Variants in KSR2 observed in about 807,000 individuals in gnomAD.
KSR2 encodes kinase suppressor of ras 2.
Under a neutral mutation model 107.8 loss-of-function variants are expected in KSR2, and 25 were observed. The observed-to-expected ratio is 0.23, with a 90% CI of 0.17 to 0.32. The LOEUF (loss-of-function observed/expected upper bound fraction) is 0.32. Among genes scored for constraint, KSR2 ranks in the 10% least tolerant of loss-of-function variants. KSR2 has a pLI of 1.00. For missense variants in KSR2, 887 were observed against 1,268.9 expected (o/e 0.70, Z 4.57); for synonymous variants, 480 against 507.0 (o/e 0.95, Z 0.71).
chr12:117,456,606 G>C lies in KSR2; in HGVS notation c.*10593C>G, dbSNP rs1870638509. 1.3e-5 allele frequency: 2 copies of C among 152,238 alleles called. No individual in the cohort carries two copies. Among genetic ancestry groups the C allele is most frequent in the South Asian group, 4.1e-4 (2 of 4,828 alleles). 9.4% of individuals were successfully genotyped at this position (152,238 alleles called of 1,614,324 possible). ...GGGCAGAGCCCCAGCCAACTCAACT[G>C]TCTTCTTGGAAGGTGTCCCAATTCC... On this transcript the variant is annotated 3_prime_UTR_variant, in exon 20 of 20. Transcript: ENST00000339824.
rs868455907 is a variant in KSR2 at position 117,656,927 on chromosome 12, C to T, written c.1171+10547G>A. On this transcript the variant is annotated intron_variant, in intron 5 of 19. Coordinates refer to ENST00000339824, the MANE Select transcript of KSR2 (RefSeq NM_173598.6). ...ACTCCCCTTTGTGTGTGTGTGTATA[C>T]ATATATATAATAGGATATATATATA... Among the ~76,000 whole-genome samples the T allele has an allele frequency of 1.2e-4, 10 of 83,444 alleles. No homozygotes were observed. The East Asian group carries it at 6.9e-3, about 58-fold the overall frequency. The allele number at this position is 83,444 out of a possible 152,430, so 54.7% of individuals were successfully genotyped here.
chr12:117,484,109 T>G (rs1163012316), intron 16 of KSR2, among the ~76,000 whole-genome samples: 2 of 152,178 alleles, frequency 1.3e-5, no homozygotes, highest in African/African-American at 4.8e-5. Context: ...AACTTCCAAG[T>G]GAATTACTTA....
intron 3 of KSR2, among the ~76,000 whole-genome samples, chr12:117,805,315 A>G (rs1271275511): frequency 6.6e-6 from 1 of 152,248 alleles, no homozygotes; most frequent in Non-Finnish European, 1.5e-5. Context: ...TTGGGCCAAG[A>G]CACACAGGTG....
intron 3 of KSR2, among the ~76,000 whole-genome samples, chr12:117,837,859 A>G (rs1312780644): frequency 6.6e-6 from 1 of 152,158 alleles, no homozygotes; most frequent in East Asian, 1.9e-4. Context: ...CACCCTCCCA[A>G]CTCAAAGCAA....
At chr12:117,722,439 G>A (rs917671223) in intron 4 of KSR2, among the ~76,000 whole-genome samples, 2 of 152,152 alleles carry the variant, frequency 1.3e-5, no homozygotes, top group Non-Finnish European at 2.9e-5. Context: ...ACAAGATACA[G>A]GCATCAAGAC....
intron 14 of KSR2, among the ~76,000 whole-genome samples, chr12:117,510,783 C>T (rs1489902354): frequency 1.3e-5 from 2 of 150,612 alleles, no homozygotes; most frequent in Non-Finnish European, 2.9e-5. Context: ...GAGGCTGAGA[C>T]TGGAGAATTG....
At chr12:117,610,255 C>T (rs947131715) in intron 5 of KSR2, among the ~76,000 whole-genome samples, 1 of 152,122 alleles carries the variant, frequency 6.6e-6, no homozygotes. Context: ...ACAGAAATTA[C>T]TCTTCTAAAA....
chr12:117,513,553 G>T (rs527986884), intron 14 of KSR2, among the ~76,000 whole-genome samples: 1 of 152,326 alleles, frequency 6.6e-6, no homozygotes, highest in South Asian at 2.1e-4. Flanking sequence ...TTCAATTTGT[G>T]CCTGCTGCCA....
Position 117,903,180 on chromosome 12 carries a change from T to C in KSR2, c.181-42749A>G, listed in dbSNP as rs144045489. On this transcript the variant is annotated intron_variant, in intron 1 of 19. Coordinates refer to ENST00000339824, the MANE Select transcript of KSR2 (RefSeq NM_173598.6). The stretch of plus-strand genomic sequence containing the variant: ...GTCGTCAGGTTTGATAGAATTATGG[T>C]AAGAAAAACTATAATTCATAAACAA... Among the ~76,000 whole-genome samples, 570 of 152,330 alleles carry C rather than the reference T, an allele frequency of 3.7e-3. 3 individuals carry two copies. Among genetic ancestry groups the C allele is most frequent in the African/African-American group, 0.013 (538 of 41,580 alleles).
intron 1 of KSR2, among the ~76,000 whole-genome samples, chr12:117,937,836 A>G (rs947996996): frequency 7.3e-5 from 11 of 151,206 alleles, no homozygotes; most frequent in Non-Finnish European, 1.2e-4. Flanking sequence ...CAGGCGTGGC[A>G]GTGCACGCCT....
chr12:117,962,355 C>T (rs1225578972), intron 1 of KSR2, among the ~76,000 whole-genome samples: 1 of 151,990 alleles, frequency 6.6e-6, no homozygotes, highest in Non-Finnish European at 1.5e-5. Context: ...AGTTTTTCCC[C>T]TCTCATCTAT....
chr12:117,589,698 T>C (rs1007739966), intron 5 of KSR2, among the ~76,000 whole-genome samples: 1 of 152,262 alleles, frequency 6.6e-6, no homozygotes, highest in Non-Finnish European at 1.5e-5. Flanking sequence ...AAGCTGCTCA[T>C]GATATCATTC....
At chr12:117,818,127 A>G (rs1891439057) in intron 3 of KSR2, among the ~76,000 whole-genome samples, 1 of 151,948 alleles carries the variant, frequency 6.6e-6, no homozygotes, top group African/African-American at 2.4e-5. Flanking sequence ...AAAAGTTCCA[A>G]TGGTTTATCC....
intron 14 of KSR2, among the ~76,000 whole-genome samples, chr12:117,505,505 C>A (rs1220551231): frequency 6.6e-6 from 1 of 152,148 alleles, no homozygotes; most frequent in African/African-American, 2.4e-5. Flanking sequence ...GGGCAAATAA[C>A]ATTTCCTGGA....
intron 7 of KSR2, among the ~76,000 whole-genome samples, chr12:117,575,838 A>T (rs1404169807): frequency 6.6e-6 from 1 of 152,236 alleles, no homozygotes; most frequent in Non-Finnish European, 1.5e-5. Flanking sequence ...GAGCATGGAC[A>T]TTTAATTGAC....
chr12:117,750,632 G>A (rs1017438211), intron 4 of KSR2, among the ~76,000 whole-genome samples: 5 of 152,058 alleles, frequency 3.3e-5, no homozygotes, highest in Admixed American at 6.6e-5. Flanking sequence ...CCAGTTGTTT[G>A]GTTTTCAGCC....
intron 16 of KSR2, 115 bp from the exon 17 acceptor site, chr12:117,476,710 T>C: frequency 8.7e-7 from 1 of 1,153,076 alleles, no homozygotes; most frequent in Non-Finnish European, 1.2e-6. Flanking sequence ...GCTTCCCACA[T>C]TGAGCACTGC....
intron 5 of KSR2, among the ~76,000 whole-genome samples, chr12:117,659,302 T>G (rs147837134): frequency 2.0e-5 from 3 of 152,300 alleles, no homozygotes; most frequent in Non-Finnish European, 4.4e-5. Context: ...GTCTACTGCA[T>G]GCTGAGCCCA....
In KSR2 at chr12:117,707,958, G is replaced by T. The variant is rs112948939; in HGVS notation, c.987-40300C>A. Among the ~76,000 whole-genome samples, 127 of 152,304 alleles carry T rather than the reference G, an allele frequency of 8.3e-4. 2 individuals are homozygous for T. Among genetic ancestry groups the T allele is most frequent in the African/African-American group, 2.9e-3 (119 of 41,572 alleles). On this transcript the variant is annotated intron_variant, in intron 4 of 19. Transcript: ENST00000339824. ...TGCTGATAGATGTTGCATGAAAAAGGAGTCCCCCATGCAAATTATCTTGGG... is the reference window on the plus strand; with the variant it reads ...TGCTGATAGATGTTGCATGAAAAAGTAGTCCCCCATGCAAATTATCTTGGG...
Sources: allele counts gnomAD v4.1 joint callset (sites outside exome capture counted in the v4.1 genomes callset), GRCh38; gene constraint gnomAD v4.1.1; transcripts MANE v1.5; gene names NCBI Gene and HGNC (gene_info 2026-07-23, HGNC 2026-07-21).